SLC2A4: variants seen among roughly 807,000 people sequenced by gnomAD.
SLC2A4 encodes solute carrier family 2 member 4.
SLC2A4 carries 31 observed loss-of-function variants against 53.3 expected under a neutral mutation model. That is an observed-to-expected ratio of 0.58 (90% CI 0.44 to 0.78). The LOEUF is 0.78. SLC2A4 is among the 30% of genes least tolerant of loss of function. SLC2A4 has a pLI of 0.00. For synonymous variants in SLC2A4, 276 were observed against 281.9 expected (o/e 0.98, Z 0.21); for missense variants, 538 against 655.7 (o/e 0.82, Z 1.96).
At position 7,285,223 on chromosome 17, in the gene SLC2A4, C is replaced by T. The variant is rs2072439514; in HGVS notation, c.1122+34C>T. On this transcript the variant is annotated intron_variant, in intron 9 of 10. Coordinates refer to ENST00000317370, the MANE Select transcript of SLC2A4 (RefSeq NM_001042.3). This position sits in a 1 kb window ranked among gnomAD's most constrained non-coding sequence, Gnocchi z 6.0. The stretch of plus-strand genomic sequence containing the variant: ...TGGAGGCTAGGAGGGGCTAGCAGCC[C>T]ACCCCATGGGAATGGTCCTGTGAGT... 6.6e-7 allele frequency: 1 copy of T among 1,521,966 alleles called. No homozygotes were observed. Among genetic ancestry groups the T allele is most frequent in the Non-Finnish European group, 8.9e-7 (1 of 1,117,482 alleles). 94.3% of individuals were successfully genotyped at this position (1,521,966 alleles called of 1,614,324 possible). A position where few individuals can be genotyped will look rare whatever the true frequency, so the allele number is the denominator to read the frequency against.
In SLC2A4 at chr17:7,284,212, C is replaced by T. The variant is rs372320117; in HGVS notation, c.565-5C>T. The T allele has an allele frequency of 3.7e-6, 6 of 1,612,350 alleles. No individual in the cohort carries two copies. In the African/African-American group the frequency reaches 6.7e-5, roughly 18 times the overall value. ...CCTGCCTTCTTTCCCAACCTTCTCC[C>T]ACAGGTGCTGGGCTTGGAGTCCCTC... On this transcript the variant is annotated splice_region_variant and splice_polypyrimidine_tract_variant and intron_variant, in intron 5 of 10. Coordinates refer to ENST00000317370, the MANE Select transcript of SLC2A4 (RefSeq NM_001042.3). This position sits in a 1 kb window ranked among gnomAD's most constrained non-coding sequence, Gnocchi z 7.5.
Position 7,281,912 on chromosome 17 carries a change from G to C in SLC2A4, c.-23G>C. The C allele has an allele frequency of 6.2e-7, 1 of 1,600,952 alleles. No homozygotes were observed. Among genetic ancestry groups the C allele is most frequent in the Non-Finnish European group, 8.5e-7 (1 of 1,173,792 alleles). On this transcript the variant is annotated 5_prime_UTR_variant, in exon 1 of 11. Coordinates refer to ENST00000317370, the MANE Select transcript of SLC2A4 (RefSeq NM_001042.3). ...GTTCTTTCATCTTCGCCGCCCCTGC[G>C]CGTCCAGCTCTTCTAAGACGAGATG...
rs376381524 is a variant in SLC2A4, at chr17:7,285,939, G to A, written c.1326+31G>A. ...TCCCCCCGCCCCAGCCTCCCACACC[G>A]TAGGCCAGAGGTGGGCATCACACAG... is the stretch of plus-strand genomic sequence containing the variant. On this transcript the variant is annotated intron_variant, in intron 10 of 10. Coordinates refer to ENST00000317370, the MANE Select transcript of SLC2A4 (RefSeq NM_001042.3). The surrounding 1 kb of genome is among the most constrained non-coding windows in gnomAD (Gnocchi z 6.0). 48 of 1,591,598 alleles carry A rather than the reference G, an allele frequency of 3.0e-5. No individual in the cohort carries two copies. The highest frequency in any genetic ancestry group is 4.0e-5 in the Non-Finnish European group (47 of 1,163,868).
At position 7,285,935 on chromosome 17, in the gene SLC2A4, C is replaced by T. The variant is rs773056816; in HGVS notation, c.1326+27C>T. ...TAGGTCCCCCCGCCCCAGCCTCCCACACCGTAGGCCAGAGGTGGGCATCAC... is the reference window on the plus strand; with the variant it reads ...TAGGTCCCCCCGCCCCAGCCTCCCATACCGTAGGCCAGAGGTGGGCATCAC... On this transcript the variant is annotated intron_variant, in intron 10 of 10. Coordinates refer to ENST00000317370, the MANE Select transcript of SLC2A4 (RefSeq NM_001042.3). The surrounding 1 kb of genome is among the most constrained non-coding windows in gnomAD (Gnocchi z 6.0). 2 of 1,596,154 alleles carry T rather than the reference C, an allele frequency of 1.3e-6. No homozygotes were observed. Among genetic ancestry groups the T allele is most frequent in the South Asian group, 1.1e-5 (1 of 89,064 alleles).
At position 7,286,462 on chromosome 17, in the gene SLC2A4, GTCC is replaced by G. The variant is rs746840316; in HGVS notation, c.1368_1370del (p.Leu458del). ...GCCCTACGTCTTCCTTCTATTTGCG[GTCC>G]TCCTGCTGGGCTTCTTCATCTTCAC... On this transcript the variant is annotated inframe_deletion, in exon 11 of 11. Transcript: ENST00000317370. The G allele has an allele frequency of 1.9e-6, 3 of 1,614,110 alleles. No individual in the cohort carries two copies. Among genetic ancestry groups the G allele is most frequent in the Non-Finnish European group, 8.5e-7 (1 of 1,180,016 alleles).
At position 7,285,047 on chromosome 17, in the gene SLC2A4, G is replaced by A. The variant is rs567014211; in HGVS notation, c.1021-41G>A. The A allele has an allele frequency of 1.3e-5, 21 of 1,610,134 alleles. No homozygotes were observed. The highest frequency in any genetic ancestry group is 3.3e-5 in the South Asian group (3 of 90,848). ...ACCCACGCGGCCCCTCCTACTTCCCGTGCCCAAAAGGCTGGGGTCAAGCTC... is the reference window on the plus strand; with the variant it reads ...ACCCACGCGGCCCCTCCTACTTCCCATGCCCAAAAGGCTGGGGTCAAGCTC... On this transcript the variant is annotated intron_variant, in intron 8 of 10. Coordinates refer to ENST00000317370, the MANE Select transcript of SLC2A4 (RefSeq NM_001042.3). This position sits in a 1 kb window ranked among gnomAD's most constrained non-coding sequence, Gnocchi z 6.0.
At position 7,281,725 on chromosome 17, in the gene SLC2A4, C is replaced by T. The variant is rs2072402683; in HGVS notation, c.-210C>T. ...GTGGCGGGGGCTTCTCGCGTCTTTT[C>T]CCCCAGCCCCGCTCCACCAGATCCG... On this transcript the variant is annotated 5_prime_UTR_variant, in exon 1 of 11. Transcript: ENST00000317370. The T allele has an allele frequency of 1.3e-5, 8 of 615,800 alleles. No homozygotes were observed. The highest frequency in any genetic ancestry group is 1.1e-4 in the South Asian group (6 of 53,258). 38.1% of individuals were successfully genotyped at this position (615,800 alleles called of 1,614,324 possible). A position where few individuals can be genotyped will look rare whatever the true frequency, so the allele number is the denominator to read the frequency against.
In SLC2A4 at chr17:7,286,513, C is replaced by T. The variant is rs2072451443; in HGVS notation, c.1414C>T (p.Arg472Ter). 6 of 1,614,158 alleles carry T rather than the reference C, an allele frequency of 3.7e-6. No homozygotes were observed. The highest frequency in any genetic ancestry group is 1.1e-5 in the South Asian group (1 of 91,082). The change falls in exon 11 of 11, where the codon CGA (arginine) becomes TGA (stop). Residue 472 changes from arginine (R) to a stop codon, truncating the protein, a stop_gained. Coordinates refer to ENST00000317370, the MANE Select transcript of SLC2A4 (RefSeq NM_001042.3). LOFTEE classifies it high-confidence loss of function. The part of the protein sequence containing the change: ...IFTFLRVPET[R>*]GRTFDQISAA... ...CACCTTCTTAAGAGTACCTGAAACTCGAGGCCGGACGTTTGACCAGATCTC... is the reference window on the plus strand; with the variant it reads ...CACCTTCTTAAGAGTACCTGAAACTTGAGGCCGGACGTTTGACCAGATCTC...
rs140608377 is a variant in SLC2A4 at position 7,285,809 on chromosome 17, G to T, written c.1227G>T (p.Glu409Asp). 8 of 1,614,114 alleles carry T rather than the reference G, an allele frequency of 5.0e-6. No individual in the cohort carries two copies. In the African/African-American group the frequency reaches 9.3e-5, roughly 19 times the overall value. Residue 409 changes from glutamate (E) to aspartate (D), a missense_variant, in exon 10 of 11, where the codon GAG (glutamate) becomes GAT (aspartate). By Grantham distance (45) the Glu-to-Asp change is conservative. Transcript: ENST00000317370. This position sits in a 1 kb window ranked among gnomAD's most constrained non-coding sequence, Gnocchi z 6.0. ...CCATTCCTTGGTTCATCGTGGCCGA[G>T]CTCTTCAGCCAGGGACCCCGCCCGG... The part of the protein sequence containing the change: ...PGPIPWFIVA[E>D]LFSQGPRPAA...
chr17:7,285,901 A>G lies in SLC2A4; in HGVS notation c.1319A>G (p.Tyr440Cys). The G allele has an allele frequency of 1.9e-6, 3 of 1,612,238 alleles. No homozygotes were observed. Among genetic ancestry groups the G allele is most frequent in the Non-Finnish European group, 2.5e-6 (3 of 1,178,416 alleles). The change falls in exon 10 of 11, where the codon TAT (tyrosine) becomes TGT (cysteine). Residue 440 changes from tyrosine (Y) to cysteine (C), a missense_variant. Physicochemically the swap from Tyr to Cys is radical, Grantham distance 194. Transcript: ENST00000317370. This position sits in a 1 kb window ranked among gnomAD's most constrained non-coding sequence, Gnocchi z 6.0. Reference protein sequence around the residue: ...SNFIIGMGFQYVAEAMGPYVF... With the variant: ...SNFIIGMGFQCVAEAMGPYVF... ...TTCATCATTGGCATGGGTTTCCAGT[A>G]TGTTGCGGTAGGTCCCCCCGCCCCA... is the stretch of plus-strand genomic sequence containing the variant.
Position 7,287,191 on chromosome 17 carries a change from C to G in SLC2A4, c.*562C>G, listed in dbSNP as rs2072459636. 1 of 137,670 alleles carries G rather than the reference C, an allele frequency of 7.3e-6. No individual in the cohort carries two copies. The highest frequency in any genetic ancestry group is 1.5e-5 in the Non-Finnish European group (1 of 68,466). 8.5% of individuals were successfully genotyped at this position (137,670 alleles called of 1,614,324 possible). ...CCAGGCTCGAGTGCAGTGGCGTGAT[C>G]TTGCTTCACTGCAAGCTGTCTCCCA... On this transcript the variant is annotated 3_prime_UTR_variant, in exon 11 of 11. Transcript: ENST00000317370.
At position 7,281,946 on chromosome 17, in the gene SLC2A4, C is replaced by T. The variant is rs1415394223; in HGVS notation, c.12C>T (p.Gly4=). The T allele has an allele frequency of 2.5e-6, 4 of 1,589,286 alleles. No homozygotes were observed. The highest frequency in any genetic ancestry group is 3.4e-6 in the Non-Finnish European group (4 of 1,164,680). ...TCTTCTAAGACGAGATGCCGTCGGGCTTCCAACAGATAGGCTCCGAAGTAG... is the reference window on the plus strand; with the variant it reads ...TCTTCTAAGACGAGATGCCGTCGGGTTTCCAACAGATAGGCTCCGAAGTAG... MPS[G]FQQIGSEDGE... is the part of the protein sequence containing the mutation. The change falls in exon 1 of 11, where the codon GGC becomes GGT. Residue 4 remains glycine, a synonymous_variant. Transcript: ENST00000317370.
rs569945822 is a variant in SLC2A4, at chr17:7,284,047, G to T, written c.522G>T (p.Thr174=). 6.2e-7 allele frequency: 1 copy of T among 1,613,922 alleles called. No homozygotes were observed. The highest frequency in any genetic ancestry group is 1.1e-5 in the South Asian group (1 of 91,054). Residue 174 remains threonine (T), a synonymous_variant, in exon 5 of 11, where the codon ACG becomes ACT. Transcript: ENST00000317370. The surrounding 1 kb of genome is among the most constrained non-coding windows in gnomAD (Gnocchi z 7.5). ...APTHLRGALG[T]LNQLAIVIGI... is the part of the protein sequence containing the mutation. ...CTCACCTGCGGGGCGCCCTGGGGACGCTCAACCAACTGGCCATTGTTATCG... is the reference window on the plus strand; with the variant it reads ...CTCACCTGCGGGGCGCCCTGGGGACTCTCAACCAACTGGCCATTGTTATCG...
chr17:7,286,366 G>A, intron 10 of SLC2A4, 60 bp from the exon 11 acceptor site: 1 of 1,514,090 alleles, frequency 6.6e-7, no homozygotes, highest in Non-Finnish European at 9.2e-7. Context: ...CTGGTTGCCT[G>A]AAACTACCCC....
chr17:7,287,117 T>TG lies in SLC2A4; in HGVS notation c.*488_*489insG, dbSNP rs1567603287. ...CCACGCAGACTCTGGGCAAAGGGGT[T>TG]TTTTTTTTTTTTTTTTTTTTTTTTT... On this transcript the variant is annotated 3_prime_UTR_variant, in exon 11 of 11. Coordinates refer to ENST00000317370, the MANE Select transcript of SLC2A4 (RefSeq NM_001042.3). The TG allele has an allele frequency of 2.1e-5, 1 of 47,522 alleles. No homozygotes were observed. The highest frequency in any genetic ancestry group is 7.2e-4 in the East Asian group (1 of 1,398). 2.9% of individuals were successfully genotyped at this position (47,522 alleles called of 1,614,324 possible). A position where few individuals can be genotyped will look rare whatever the true frequency, so the allele number is the denominator to read the frequency against.
rs570017081 is a variant in SLC2A4, at chr17:7,283,619, T to C, written c.297T>C (p.Ile99=). ...GCGGCATGATTTCCTCCTTCCTCAT[T>C]GGTATCATCTCTCAGTGGCTTGGAA... ...SVGGMISSFL[I]GIISQWLGRK... The change falls in exon 3 of 11, where the codon ATT becomes ATC. Residue 99 remains isoleucine, a synonymous_variant. Transcript: ENST00000317370. This position sits in a 1 kb window ranked among gnomAD's most constrained non-coding sequence, Gnocchi z 5.8. 2.4e-5 allele frequency: 39 copies of C among 1,613,818 alleles called. No homozygotes were observed. The South Asian group carries it at 4.2e-4, about 17-fold the overall frequency.
chr17:7,283,514 G>A lies in SLC2A4; in HGVS notation c.192G>A (p.Gln64=). 1 of 1,613,938 alleles carries A rather than the reference G, an allele frequency of 6.2e-7. No homozygotes were observed. Among genetic ancestry groups the A allele is most frequent in the Non-Finnish European group, 8.5e-7 (1 of 1,179,992 alleles). ...QSYNETWLGR[Q]GPEGPSSIPP... is the part of the protein sequence containing the mutation. ...ACAATGAGACGTGGCTGGGGAGGCA[G>A]GGGCCTGAGGGACCCAGCTCCATCC... The change falls in exon 3 of 11, where the codon CAG becomes CAA. Residue 64 remains glutamine (Q), a synonymous_variant. Coordinates refer to ENST00000317370, the MANE Select transcript of SLC2A4 (RefSeq NM_001042.3). The surrounding 1 kb of genome is among the most constrained non-coding windows in gnomAD (Gnocchi z 5.8).
Position 7,282,057 on chromosome 17 carries a change from T to G in SLC2A4, c.33+90T>G. ...GCGGTTGGGGTCAGCTGGGGGTGGT[T>G]CCTGCGCAGGCGCAGGGGGTGAAGG... is the stretch of plus-strand genomic sequence containing the variant. On this transcript the variant is annotated intron_variant, in intron 1 of 10. Coordinates refer to ENST00000317370, the MANE Select transcript of SLC2A4 (RefSeq NM_001042.3). The surrounding 1 kb of genome is among the most constrained non-coding windows in gnomAD (Gnocchi z 4.1). 1 of 1,107,280 alleles carries G rather than the reference T, an allele frequency of 9.0e-7. No homozygotes were observed. The highest frequency in any genetic ancestry group is 1.3e-6 in the Non-Finnish European group (1 of 741,298). 68.6% of individuals were successfully genotyped at this position (1,107,280 alleles called of 1,614,324 possible).
At position 7,284,707 on chromosome 17, in the gene SLC2A4, C is replaced by T. The variant is rs2072433335; in HGVS notation, c.915+35C>T. On this transcript the variant is annotated intron_variant, in intron 7 of 10. Coordinates refer to ENST00000317370, the MANE Select transcript of SLC2A4 (RefSeq NM_001042.3). This position sits in a 1 kb window ranked among gnomAD's most constrained non-coding sequence, Gnocchi z 7.5. ...GAGCAGCCTCCAGGCAGGGCACAGC[C>T]CCGGGAGGGTAGACGAGAGTGGGGA... 6.2e-7 allele frequency: 1 copy of T among 1,612,190 alleles called. No homozygotes were observed. The highest frequency in any genetic ancestry group is 8.5e-7 in the Non-Finnish European group (1 of 1,178,510).
Sources: allele counts gnomAD v4.1 joint callset, GRCh38; gene constraint gnomAD v4.1.1; non-coding constraint Gnocchi (gnomAD v3.1); transcripts MANE v1.5; gene names NCBI Gene and HGNC (gene_info 2026-07-23, HGNC 2026-07-21).